The following ACACB variants were observed in gnomAD, a reference collection of about 807,000 sequenced individuals.
ACACB encodes acetyl-CoA carboxylase 2.
In ACACB, 209 loss-of-function variants were observed where a neutral mutation model predicts 278.8. The observed-to-expected ratio is 0.75, with a 90% CI of 0.67 to 0.84. ACACB has a LOEUF of 0.84. Ranked by LOEUF, ACACB falls within the 40% of genes least tolerant of loss-of-function variation. ACACB has a pLI of 0.00. For synonymous variants in ACACB, 1,174 were observed against 1,285.6 expected, an observed-to-expected ratio of 0.91 and a Z score of 1.86; for missense variants, 2,850 against 3,269.0, an observed-to-expected ratio of 0.87 and a Z score of 3.13.
chr12:109,171,757 T>C lies in ACACB; in HGVS notation c.926-48T>C, dbSNP rs544744146. The C allele has an allele frequency of 1.9e-5, 27 of 1,401,126 alleles. No homozygotes were observed. In the Admixed American group the frequency reaches 2.9e-4, roughly 15 times the overall value. The allele number at this position is 1,401,126 out of a possible 1,614,324, so 86.8% of individuals were successfully genotyped here. On this transcript the variant is annotated intron_variant, in intron 4 of 52. Transcript: ENST00000338432. ...ACATCTTGTAATGTTCTGCCATTGA[T>C]GTCAGTCTGTCAGCAGTTCCTTCCT...
chr12:109,209,830 T>C lies in ACACB; in HGVS notation c.3249+477T>C, dbSNP rs550155704. Among the ~76,000 whole-genome samples the C allele has an allele frequency of 2.5e-3, 358 of 144,334 alleles. 21 individuals carry two copies. The highest frequency in any genetic ancestry group is 4.3e-3 in the Non-Finnish European group (280 of 65,536). 94.7% of individuals were successfully genotyped at this position (144,334 alleles called of 152,430 possible). A position where few individuals can be genotyped will look rare whatever the true frequency, so the allele number is the denominator to read the frequency against. ...ACACACACATATATATGCATATATA[T>C]ACACATACACACACGTGTGTATATA... On this transcript the variant is annotated intron_variant, in intron 21 of 52. Coordinates refer to ENST00000338432, the MANE Select transcript of ACACB (RefSeq NM_001093.4).
chr12:109,150,982 C>CTTTTTTTTTTTTTTTTTTT (rs201382181), intron 2 of ACACB, among the ~76,000 whole-genome samples: 1 of 137,328 alleles, frequency 7.3e-6, no homozygotes. Flanking sequence ...TTTTTTCTTT[C>CTTTTTTTTTTTTTTTTTTT]TTTTTTTTTT....
chr12:109,139,587 A>C lies in ACACB; in HGVS notation c.182A>C (p.Asn61Thr), dbSNP rs2043049891. 1 of 1,613,976 alleles carries C rather than the reference A, an allele frequency of 6.2e-7. No homozygotes were observed. The highest frequency in any genetic ancestry group is 1.7e-5 in the Admixed American group (1 of 59,990). ...AACTCAGGGGAGACACCGCAGAGAA[A>C]TGGGGAGGGCCACACTCTGCCCAAG... ...SDNSGETPQRNGEGHTLPKTP... is the reference protein window; with the variant it reads ...SDNSGETPQRTGEGHTLPKTP... The change falls in exon 2 of 53, where the codon AAT (asparagine) becomes ACT (threonine). Residue 61 changes from asparagine to threonine, a missense_variant. This residue lies in a region of ACACB where 2,265 missense variants were observed against 2,561.3 expected (regional missense o/e 0.88). Transcript: ENST00000338432.
In ACACB at chr12:109,224,447, G is replaced by A. The variant is rs77243306; in HGVS notation, c.3882+543G>A. Among the ~76,000 whole-genome samples the A allele has an allele frequency of 8.0e-3, 1,214 of 151,534 alleles. 15 individuals carry two copies. The highest frequency in any genetic ancestry group is 0.028 in the African/African-American group (1,148 of 41,268). ...GGTGATCCCAGGTGGTCTTGCTCCCGGGAGCAAGAATTCAGGTCTTCTTGA... is the reference window on the plus strand; with the variant it reads ...GGTGATCCCAGGTGGTCTTGCTCCCAGGAGCAAGAATTCAGGTCTTCTTGA... On this transcript the variant is annotated intron_variant, in intron 27 of 52. Coordinates refer to ENST00000338432, the MANE Select transcript of ACACB (RefSeq NM_001093.4).
chr12:109,149,530 G>A (rs1185995402), intron 2 of ACACB, among the ~76,000 whole-genome samples: 2 of 152,178 alleles, frequency 1.3e-5, no homozygotes, highest in African/African-American at 2.4e-5. Flanking sequence ...GCTGCAGTGA[G>A]CTATGATTGT....
chr12:109,139,685 C>T lies in ACACB; in HGVS notation c.280C>T (p.Pro94Ser). 1 of 1,614,106 alleles carries T rather than the reference C, an allele frequency of 6.2e-7. No individual in the cohort carries two copies. Among genetic ancestry groups the T allele is most frequent in the South Asian group, 1.1e-5 (1 of 91,070 alleles). Reference protein sequence around the residue: ...DAGRRRNSLPPSHQKPPRNPL... With the variant: ...DAGRRRNSLPSSHQKPPRNPL... ...CGGTCGGCGGAGAAACTCCCTACCA[C>T]CCTCCCACCAGAAGCCCCCAAGAAA... Residue 94 changes from proline to serine, a missense_variant, in exon 2 of 53, where the codon CCC becomes TCC. By Grantham distance (74) the Pro-to-Ser change is moderately conservative. Transcript: ENST00000338432.
chr12:109,133,864 T>TATATATATA (rs1555202940), intron 1 of ACACB, among the ~76,000 whole-genome samples: 139 of 24,024 alleles, frequency 5.8e-3, no homozygotes, highest in African/African-American at 0.01. Context: ...TATATATATA[T>TATATATATA]TTTTTTTTTT....
chr12:109,258,502 G>A (rs2047290889), intron 46 of ACACB, 138 bp downstream of exon 46: 1 of 645,116 alleles, frequency 1.6e-6, no homozygotes, highest in Non-Finnish European at 2.7e-6. Context: ...TGGCCCTGGG[G>A]GGCTCAGTGC....
At chr12:109,233,021 A>G (rs74429697) in intron 29 of ACACB, among the ~76,000 whole-genome samples, 1,971 of 152,284 alleles carry the variant, frequency 0.013, 52 homozygotes, top group African/African-American at 0.045. Flanking sequence ...CAACAGAATA[A>G]TAAGAGCATC....
chr12:109,172,171 C>T (rs2044140467), intron 5 of ACACB, 104 bp from the exon 6 acceptor site: 1 of 1,100,254 alleles, frequency 9.1e-7, no homozygotes, highest in Non-Finnish European at 1.4e-6. Flanking sequence ...ATCCTCCTGC[C>T]TTGGCCTCCC....
At chr12:109,224,603 C>T (rs991845926) in intron 27 of ACACB, among the ~76,000 whole-genome samples, 1 of 151,978 alleles carries the variant, frequency 6.6e-6, no homozygotes, top group Non-Finnish European at 1.5e-5. Context: ...ACTATCTCGG[C>T]TCACTGCAGC....
chr12:109,248,181 A>C (rs985555768), intron 40 of ACACB, among the ~76,000 whole-genome samples: 4 of 152,116 alleles, frequency 2.6e-5, no homozygotes, highest in African/African-American at 9.7e-5. Flanking sequence ...AGCTGGGGGG[A>C]AATTCCATAG....
intron 5 of ACACB, 54 bp downstream of exon 5, chr12:109,171,968 A>G: frequency 7.0e-7 from 1 of 1,432,668 alleles, no homozygotes; most frequent in Non-Finnish European, 9.8e-7. Flanking sequence ...TGATGCCCCT[A>G]GGTTCTAGTT....
rs753726473 is a variant in ACACB at position 109,265,434 on chromosome 12, C to T, written c.7159C>T (p.Gln2387Ter). ...NNQVVVQWLE[Q>*]HWQAGDGPRS... Reference sequence around the variant, plus strand: ...CCAGGTGGTTGTGCAGTGGCTGGAACAGCACTGGCAGGCAGGGGATGGCCC... The same window carrying T: ...CCAGGTGGTTGTGCAGTGGCTGGAATAGCACTGGCAGGCAGGGGATGGCCC... Residue 2387 changes from glutamine to a stop codon, truncating the protein, a stop_gained, in exon 52 of 53, where the codon CAG (glutamine) becomes TAG (stop). Coordinates refer to ENST00000338432, the MANE Select transcript of ACACB (RefSeq NM_001093.4). LOFTEE classifies it high-confidence loss of function. 10 of 1,613,486 alleles carry T rather than the reference C, an allele frequency of 6.2e-6. No individual in the cohort carries two copies. Among genetic ancestry groups the T allele is most frequent in the Non-Finnish European group, 8.5e-6 (10 of 1,179,818 alleles).
At chr12:109,249,879 C>T (rs2047047997) in intron 40 of ACACB, 105 bp from the exon 41 acceptor site, 2 of 1,430,790 alleles carry the variant, frequency 1.4e-6, no homozygotes, top group South Asian at 3.0e-5. Context: ...TTGTCTGCTT[C>T]CAATCTCTCA....
rs571582243 is a variant in ACACB, at chr12:109,257,171, G to A, written c.6263+935G>A. ...CACCTGTAATCCCAGCTACTCGGGG[G>A]GCTGAAGCAGCAGAATTGCTTGAAC... On this transcript the variant is annotated intron_variant, in intron 45 of 52. Transcript: ENST00000338432. Among the ~76,000 whole-genome samples the A allele has an allele frequency of 2.0e-5, 3 of 152,250 alleles. No homozygotes were observed. The South Asian group carries it at 6.2e-4, about 32-fold the overall frequency.
intron 9 of ACACB, among the ~76,000 whole-genome samples, chr12:109,178,841 G>A (rs1271074048): frequency 6.6e-6 from 1 of 152,156 alleles, no homozygotes; most frequent in East Asian, 1.9e-4. Flanking sequence ...CTCTCGAGCA[G>A]TTGTTCATTG....
intron 45 of ACACB, among the ~76,000 whole-genome samples, chr12:109,256,444 C>T (rs1204838062): frequency 6.6e-6 from 1 of 152,186 alleles, no homozygotes; most frequent in African/African-American, 2.4e-5. Flanking sequence ...GGCCTGGGAC[C>T]CTGTAGTCAG....
Position 109,139,713 on chromosome 12 carries a change from C to G in ACACB, c.308C>G (p.Pro103Arg). ...PPSHQKPPRN[P>R]LSSSDAAPSP... is the part of the protein sequence containing the mutation. The stretch of plus-strand genomic sequence containing the variant: ...TCCCACCAGAAGCCCCCAAGAAACC[C>G]CCTTTCTTCCAGTGACGCAGCACCC... The change falls in exon 2 of 53, where the codon CCC becomes CGC. Residue 103 changes from proline to arginine, a missense_variant. Around this residue, in one of 3 missense-constraint regions of ACACB, gnomAD observed 2,265 missense variants for 2,561.3 expected, o/e 0.88. Transcript: ENST00000338432. 6.2e-7 allele frequency: 1 copy of G among 1,614,120 alleles called. No homozygotes were observed. Among genetic ancestry groups the G allele is most frequent in the Non-Finnish European group, 8.5e-7 (1 of 1,180,020 alleles).
Sources: allele counts gnomAD v4.1 joint callset (sites outside exome capture counted in the v4.1 genomes callset), GRCh38; gene constraint gnomAD v4.1.1; regional missense constraint gnomAD v4.1.1; transcripts MANE v1.5; gene names NCBI Gene and HGNC (gene_info 2026-07-23, HGNC 2026-07-21).